Variants in TEKTIP1 observed in about 807,000 individuals in gnomAD.
TEKTIP1 encodes the protein tektin bundle interacting protein 1.
chr19:3,543,236 G>T, the TEKTIP1 span: 61 of 1,542,730 alleles, frequency 4.0e-5, no homozygotes, highest in South Asian at 7.1e-4. Flanking sequence ...CACCCTCAGC[G>T]ATGACTACCT....
the TEKTIP1 span, among the ~76,000 whole-genome samples, chr19:3,540,542 C>T: frequency 4.6e-5 from 7 of 151,046 alleles, no homozygotes; most frequent in East Asian, 8.2e-4. Flanking sequence ...AGGCGTGAGG[C>T]ACCGCGCCTA....
chr19:3,543,487 C>CCG, the TEKTIP1 span: 1 of 1,519,526 alleles, frequency 6.6e-7, no homozygotes. Context: ...AGTGCCCCCC[C>CCG]CCCCGCCCTG....
chr19:3,543,946 T>A, the TEKTIP1 span: 2 of 1,550,768 alleles, frequency 1.3e-6, no homozygotes, highest in Non-Finnish European at 1.7e-6. Context: ...GAGTGGGTCC[T>A]GGAACCATAC....
At chr19:3,543,896 G>A in the TEKTIP1 span, 297 of 1,550,876 alleles carry the variant, frequency 1.9e-4, no homozygotes, top group East Asian at 1.5e-3. Context: ...CCTCCCTGTC[G>A]GCACCCCAGC....
chr19:3,539,398 C>T, the TEKTIP1 span: 1 of 615,414 alleles, frequency 1.6e-6, no homozygotes, highest in Non-Finnish European at 3.0e-6. Context: ...GTGACGTCCC[C>T]TCCAGCTCTT....
At chr19:3,539,398 CTCCAGCTCT>C in the TEKTIP1 span, 6 of 615,296 alleles carry the variant, frequency 9.8e-6, no homozygotes, top group Non-Finnish European at 1.8e-5. Context: ...GTGACGTCCC[CTCCAGCTCT>C]TCCTGTTCCC....
chr19:3,542,217 C>A, the TEKTIP1 span: 1,556 of 985,308 alleles, frequency 1.6e-3, 16 homozygotes, highest in African/African-American at 0.025. Context: ...GTGGAAAAGC[C>A]GAGTCTATGT....
chr19:3,541,353 C>T, the TEKTIP1 span, among the ~76,000 whole-genome samples: 12 of 151,430 alleles, frequency 7.9e-5, no homozygotes, highest in Admixed American at 2.6e-4. Flanking sequence ...AAGAGGGTCT[C>T]GCTCGGTTGC....
At chr19:3,541,607 C>T in the TEKTIP1 span, 1 of 982,162 alleles carries the variant, frequency 1.0e-6, no homozygotes. Flanking sequence ...AGGCATGAGC[C>T]ACCGCACCCA....
the TEKTIP1 span, chr19:3,539,205 C>T: frequency 3.4e-3 from 5,304 of 1,549,546 alleles, 13 homozygotes; most frequent in Middle Eastern, 7.6e-3. Flanking sequence ...AGAGGCTGCA[C>T]GGCCCTGTAT....
chr19:3,543,580 C>T, the TEKTIP1 span: 359 of 1,542,858 alleles, frequency 2.3e-4, 2 homozygotes, highest in African/African-American at 8.0e-4. Flanking sequence ...TGCGGGAGAC[C>T]GCCTGGCATG....
chr19:3,539,433 G>A, the TEKTIP1 span: 69 of 586,228 alleles, frequency 1.2e-4, no homozygotes, highest in Admixed American at 2.3e-4. Flanking sequence ...GCCAGTGGCC[G>A]CTCACTGTGG....
chr19:3,543,787 CGAG>C, the TEKTIP1 span: 39 of 1,494,110 alleles, frequency 2.6e-5, no homozygotes, highest in South Asian at 3.1e-4. Flanking sequence ...TGGCCAACGG[CGAG>C]GAGGTGGGGG....
At chr19:3,539,330 T>A in the TEKTIP1 span, 1 of 850,510 alleles carries the variant, frequency 1.2e-6, no homozygotes, top group South Asian at 1.4e-5. Context: ...TCAGGTTACA[T>A]GGTGTTTGGT....
the TEKTIP1 span, chr19:3,542,495 A>G: frequency 2.0e-6 from 2 of 979,698 alleles, no homozygotes; most frequent in African/African-American, 1.8e-5. Flanking sequence ...TGTTTTTGAG[A>G]CAGAGTCTCA....
At chr19:3,543,220 CCTGCCCA>C in the TEKTIP1 span, 3 of 1,539,472 alleles carry the variant, frequency 1.9e-6, no homozygotes, top group African/African-American at 4.1e-5. Flanking sequence ...GTCTCTGCCC[CCTGCCCA>C]CCCTCAGCGA....
At chr19:3,542,789 T>C in the TEKTIP1 span, 1 of 1,368,870 alleles carries the variant, frequency 7.3e-7, no homozygotes, top group South Asian at 1.1e-5. Context: ...GCCTAGTGGG[T>C]CCCCCAGTCT....
chr19:3,543,405 G>A, the TEKTIP1 span: 1 of 1,547,318 alleles, frequency 6.5e-7, no homozygotes, highest in Non-Finnish European at 8.7e-7. Flanking sequence ...GCCCCGGCCA[G>A]CCCCTTCCGC....
At chr19:3,539,427 G>C in the TEKTIP1 span, 14 of 589,924 alleles carry the variant, frequency 2.4e-5, no homozygotes, top group East Asian at 1.7e-4. Flanking sequence ...CCTCCGGCCA[G>C]TGGCCGCTCA....
Sources: allele counts gnomAD v4.1 joint callset (sites outside exome capture counted in the v4.1 genomes callset), GRCh38; gene constraint gnomAD v4.1.1; transcripts MANE v1.5; gene names NCBI Gene and HGNC (gene_info 2026-07-23, HGNC 2026-07-21).